APBB2: variants seen among roughly 807,000 people sequenced by gnomAD.
APBB2 encodes Fe65-like 1.
APBB2 carries 38 observed loss-of-function variants against 82.5 expected under a neutral mutation model. The ratio of observed to expected loss-of-function variants is 0.46; its 90% CI spans 0.36 to 0.60. The LOEUF (loss-of-function observed/expected upper bound fraction) is 0.60. Ranked by LOEUF, APBB2 falls within the 20% of genes least tolerant of loss-of-function variation. The probability of loss-of-function intolerance (pLI) is 0.00; values close to 1 mark genes in which losing one functional copy is unlikely to be tolerated. For synonymous variants in APBB2, 341 were observed against 368.2 expected, an observed-to-expected ratio of 0.93 and a Z score of 0.85; for missense variants, 772 against 972.3, an observed-to-expected ratio of 0.79 and a Z score of 2.74.
At chr4:41,012,392 A>G (rs1031731810) in intron 6 of APBB2, among the ~76,000 whole-genome samples, 36 of 152,242 alleles carry the variant, frequency 2.4e-4, no homozygotes, top group Middle Eastern at 6.8e-3. Flanking sequence ...GGTAAAAAGG[A>G]TAGAGAGCTG....
intron 2 of APBB2, among the ~76,000 whole-genome samples, chr4:41,123,161 C>G (rs1340941981): frequency 6.6e-6 from 1 of 152,052 alleles, no homozygotes; most frequent in Non-Finnish European, 1.5e-5. Context: ...CCCCCCAGTG[C>G]TTACGATCCA....
intron 10 of APBB2, among the ~76,000 whole-genome samples, chr4:40,895,053 C>T (rs1354576343): frequency 1.3e-5 from 2 of 152,186 alleles, no homozygotes; most frequent in Non-Finnish European, 2.9e-5. Flanking sequence ...GCTTCATAAC[C>T]AAATGAATGA....
chr4:40,912,110 T>C (rs1778716578), intron 10 of APBB2, among the ~76,000 whole-genome samples: 1 of 152,232 alleles, frequency 6.6e-6, no homozygotes, highest in African/African-American at 2.4e-5. Context: ...CTCTTTTTTA[T>C]TTAATAGGAA....
chr4:40,996,492 G>A (rs2154416520), intron 6 of APBB2, among the ~76,000 whole-genome samples: 1 of 152,254 alleles, frequency 6.6e-6, no homozygotes, highest in Non-Finnish European at 1.5e-5. Context: ...GAATCTCTCT[G>A]ACTTCTCCCT....
At chr4:41,141,662 G>A (rs1313134413) in intron 2 of APBB2, among the ~76,000 whole-genome samples, 4 of 152,166 alleles carry the variant, frequency 2.6e-5, no homozygotes, top group Non-Finnish European at 5.9e-5. Flanking sequence ...AAAAGAAAGA[G>A]GTTTAATGGA....
At chr4:41,118,560 G>A (rs62413794) in intron 2 of APBB2, among the ~76,000 whole-genome samples, 1 of 152,254 alleles carries the variant, frequency 6.6e-6, no homozygotes, top group African/African-American at 2.4e-5. Flanking sequence ...TGTGACGCTT[G>A]TTATCACATC....
At chr4:40,985,794 T>C (rs771264459) in intron 6 of APBB2, among the ~76,000 whole-genome samples, 1 of 152,186 alleles carries the variant, frequency 6.6e-6, no homozygotes, top group East Asian at 1.9e-4. Context: ...TATCCAAATT[T>C]GAGTTAGAAC....
intron 2 of APBB2, among the ~76,000 whole-genome samples, chr4:41,111,143 G>A (rs143536179): frequency 0.015 from 2,353 of 152,286 alleles, 56 homozygotes; most frequent in African/African-American, 0.054. Flanking sequence ...GATCTGACAG[G>A]AGGCGGAGCT....
intron 4 of APBB2, among the ~76,000 whole-genome samples, chr4:41,039,574 A>T (rs1720554623): frequency 6.6e-6 from 1 of 152,194 alleles, no homozygotes. Context: ...AGTGCTAATT[A>T]AGGCCAGATG....
chr4:41,042,119 T>A (rs1357647931), intron 4 of APBB2, among the ~76,000 whole-genome samples: 1 of 152,018 alleles, frequency 6.6e-6, no homozygotes, highest in African/African-American at 2.4e-5. Context: ...GCCTCCTGAG[T>A]AGCTGGGACT....
At chr4:41,068,271 T>C (rs146351776) in intron 3 of APBB2, among the ~76,000 whole-genome samples, 23 of 152,266 alleles carry the variant, frequency 1.5e-4, no homozygotes, top group African/African-American at 4.8e-4. Context: ...ATAGAGCAAG[T>C]GAATGTGGTC....
intron 7 of APBB2, among the ~76,000 whole-genome samples, chr4:40,938,892 A>T (rs1196900588): frequency 6.6e-6 from 1 of 152,242 alleles, no homozygotes; most frequent in Non-Finnish European, 1.5e-5. Flanking sequence ...TGCAGTATTC[A>T]GAGGTGGGGC....
chr4:41,035,902 C>T (rs576242369), intron 4 of APBB2, among the ~76,000 whole-genome samples: 117 of 152,198 alleles, frequency 7.7e-4, no homozygotes, highest in Non-Finnish European at 1.4e-3. Context: ...GCAGGTACAG[C>T]GGCTCATGCA....
intron 6 of APBB2, among the ~76,000 whole-genome samples, chr4:40,979,303 G>A (rs1018302739): frequency 6.6e-6 from 1 of 152,162 alleles, no homozygotes; most frequent in Admixed American, 6.5e-5. Context: ...ACACATAAAA[G>A]AATTCTAAGA....
chr4:41,181,051 A>C (rs906886421), intron 1 of APBB2, among the ~76,000 whole-genome samples: 3 of 152,214 alleles, frequency 2.0e-5, no homozygotes, highest in Non-Finnish European at 4.4e-5. Flanking sequence ...AATCCCATCA[A>C]TTACATTTAA....
chr4:41,112,260 C>G (rs962480940), intron 2 of APBB2, among the ~76,000 whole-genome samples: 1 of 152,212 alleles, frequency 6.6e-6, no homozygotes, highest in African/African-American at 2.4e-5. Context: ...CAGTGGAGTT[C>G]CAATGAATAC....
intron 12 of APBB2, among the ~76,000 whole-genome samples, chr4:40,876,680 G>A (rs1405556140): frequency 6.6e-6 from 1 of 152,076 alleles, no homozygotes; most frequent in East Asian, 1.9e-4. Flanking sequence ...CTAATACAAT[G>A]CAAAACTATG....
chr4:40,869,317 C>T (rs1764824116), intron 12 of APBB2, among the ~76,000 whole-genome samples: 1 of 152,120 alleles, frequency 6.6e-6, no homozygotes, highest in Non-Finnish European at 1.5e-5. Context: ...CACAGTGGCC[C>T]ACAACTGTAA....
In APBB2 at chr4:41,151,423, ATTTAAT is replaced by A. The variant is rs1390981058; in HGVS notation, c.-416-8287_-416-8282del. On this transcript the variant is annotated intron_variant, in intron 1 of 17. Coordinates refer to ENST00000508593, the MANE Select transcript of APBB2 (RefSeq NM_004307.2). ...GACTGAGGAGCTAAATTTTTAATTT[ATTTAAT>A]TTTAATTAATGAGATTTATCTACAT... Among the ~76,000 whole-genome samples the A allele has an allele frequency of 2.6e-5, 4 of 152,212 alleles. No homozygotes were observed. The East Asian group carries it at 7.7e-4, about 29-fold the overall frequency.
Sources: gnomAD v4.1 joint callset for allele counts (sites outside exome capture counted in the v4.1 genomes callset) on GRCh38, gnomAD v4.1.1 for gene constraint, MANE v1.5 for transcripts, NCBI Gene and HGNC (gene_info 2026-07-23, HGNC 2026-07-21) for gene names.